Variants in VAV3 observed in about 807,000 individuals in gnomAD.
VAV3 encodes the protein guanine nucleotide exchange factor VAV3.
VAV3 carries 94 observed loss-of-function variants against 131.2 expected under a neutral mutation model. That is an observed-to-expected ratio of 0.72 (90% confidence interval 0.61 to 0.85). The LOEUF is 0.85. VAV3 is among the 40% of genes least tolerant of loss of function. The probability of loss-of-function intolerance (pLI) is 0.00; values close to 1 mark genes in which losing one functional copy is unlikely to be tolerated. For synonymous variants in VAV3, 349 were observed against 342.0 expected (o/e 1.02, Z -0.22); for missense variants, 939 against 1,002.7 (o/e 0.94, Z 0.86).
intron 1 of VAV3, among the ~76,000 whole-genome samples, chr1:107,951,201 T>C (rs1476667724): frequency 6.6e-6 from 1 of 152,220 alleles, no homozygotes; most frequent in Non-Finnish European, 1.5e-5. Context: ...TCTACTCAGT[T>C]TTATTTCTCA....
intron 19 of VAV3, among the ~76,000 whole-genome samples, chr1:107,673,028 T>A (rs751752143): frequency 7.9e-5 from 12 of 152,190 alleles, no homozygotes; most frequent in African/African-American, 1.4e-4. Context: ...ATATTGTACC[T>A]CTATGACGCC....
chr1:107,656,573 T>C lies in VAV3; in HGVS notation c.1778-13818A>G, dbSNP rs72975642. Among the ~76,000 whole-genome samples the C allele has an allele frequency of 3.4e-3, 522 of 152,240 alleles. 5 individuals are homozygous for C. Among genetic ancestry groups the C allele is most frequent in the African/African-American group, 0.012 (493 of 41,552 alleles). ...GGTGACTACAGTTAACATTAATCCA[T>C]TGCATATTTCAAAATAGCCAGGAAA... On this transcript the variant is annotated intron_variant, in intron 19 of 26. Transcript: ENST00000370056.
intron 19 of VAV3, among the ~76,000 whole-genome samples, chr1:107,670,228 G>T (rs1657686452): frequency 6.6e-6 from 1 of 152,096 alleles, no homozygotes; most frequent in African/African-American, 2.4e-5. Context: ...CTGGCTCTTT[G>T]CCAGCTATTT....
intron 20 of VAV3, among the ~76,000 whole-genome samples, chr1:107,642,120 C>A (rs1481499012): frequency 1.3e-5 from 2 of 152,024 alleles, no homozygotes; most frequent in Admixed American, 1.3e-4. Context: ...GGGAGCTGGG[C>A]AAAATGAGGC....
intron 2 of VAV3, among the ~76,000 whole-genome samples, chr1:107,808,003 T>C (rs1002127374): frequency 6.6e-6 from 1 of 152,152 alleles, no homozygotes; most frequent in Non-Finnish European, 1.5e-5. Context: ...AACATAATAA[T>C]TGCGGCTATT....
At chr1:107,791,963 C>A (rs1323421653) in intron 2 of VAV3, among the ~76,000 whole-genome samples, 2 of 152,168 alleles carry the variant, frequency 1.3e-5, no homozygotes, top group Non-Finnish European at 2.9e-5. Flanking sequence ...ACATTTGAAC[C>A]CAGCTTTCAA....
chr1:107,844,801 A>G (rs182127992), intron 2 of VAV3, among the ~76,000 whole-genome samples: 49 of 152,304 alleles, frequency 3.2e-4, no homozygotes, highest in African/African-American at 1.1e-3. Context: ...GGCAGCCCCC[A>G]AAGTCAGGGG....
chr1:107,747,562 T>G (rs1201545377), intron 15 of VAV3, among the ~76,000 whole-genome samples: 5 of 152,188 alleles, frequency 3.3e-5, no homozygotes, highest in Admixed American at 6.5e-5. Context: ...GCAATTATTA[T>G]TAATAATAAT....
intron 20 of VAV3, among the ~76,000 whole-genome samples, chr1:107,625,206 T>C (rs753904525): frequency 1.3e-5 from 2 of 152,120 alleles, no homozygotes; most frequent in African/African-American, 2.4e-5. Context: ...CAAAAAACAT[T>C]TGATCCACAA....
At chr1:107,824,467 G>A (rs1571003975) in intron 2 of VAV3, among the ~76,000 whole-genome samples, 1 of 152,162 alleles carries the variant, frequency 6.6e-6, no homozygotes, top group East Asian at 1.9e-4. Context: ...CAGAACCAAT[G>A]TACAAGGTAT....
chr1:107,792,615 G>A (rs1196099704), intron 2 of VAV3, among the ~76,000 whole-genome samples: 1 of 152,148 alleles, frequency 6.6e-6, no homozygotes, highest in Admixed American at 6.5e-5. Flanking sequence ...TGTAGCATTT[G>A]GGTACAAATT....
chr1:107,717,321 T>G (rs1661167749), intron 15 of VAV3, among the ~76,000 whole-genome samples: 1 of 152,244 alleles, frequency 6.6e-6, no homozygotes, highest in South Asian at 2.1e-4. Flanking sequence ...TTCTTTTAAC[T>G]GTGATGTTAG....
intron 3 of VAV3, chr1:107,777,885 T>C (rs1570939530): frequency 2.6e-5 from 4 of 152,468 alleles, no homozygotes; most frequent in Admixed American, 2.6e-4. Flanking sequence ...ATTAGACAAA[T>C]GAGTCAACCA....
chr1:107,714,908 A>G (rs936711529), intron 15 of VAV3, among the ~76,000 whole-genome samples: 1 of 152,138 alleles, frequency 6.6e-6, no homozygotes, highest in Non-Finnish European at 1.5e-5. Context: ...TATTTTATTC[A>G]AGATGGGCTT....
At chr1:107,795,251 C>T (rs1380790361) in intron 2 of VAV3, among the ~76,000 whole-genome samples, 4 of 152,184 alleles carry the variant, frequency 2.6e-5, no homozygotes, top group South Asian at 2.1e-4. Flanking sequence ...TTTAAATGGA[C>T]GAAGTTACCA....
chr1:107,884,121 C>T (rs345295), intron 1 of VAV3, among the ~76,000 whole-genome samples: 110,625 of 150,336 alleles, frequency 0.74, 40,956 homozygotes, highest in African/African-American at 0.81. Context: ...CAAAGCAACC[C>T]AGAGATGGGG....
At chr1:107,630,343 A>T (rs1056763250) in intron 20 of VAV3, among the ~76,000 whole-genome samples, 1 of 148,158 alleles carries the variant, frequency 6.7e-6, no homozygotes. Flanking sequence ...GGAAGAATGG[A>T]TGGGAGGATG....
intron 1 of VAV3, among the ~76,000 whole-genome samples, chr1:107,900,808 T>C (rs564706092): frequency 3.0e-4 from 45 of 152,314 alleles, no homozygotes; most frequent in African/African-American, 9.6e-4. Context: ...AACAGACATA[T>C]CTTATACAAA....
At chr1:107,677,909 C>T (rs1658323195) in intron 19 of VAV3, 1 of 152,134 alleles carries the variant, frequency 6.6e-6, no homozygotes, top group South Asian at 2.1e-4. Context: ...AGTAGTGATC[C>T]TTTGTGAACT....
Sources: gnomAD v4.1 joint callset for allele counts (sites outside exome capture counted in the v4.1 genomes callset) on GRCh38, gnomAD v4.1.1 for gene constraint, MANE v1.5 for transcripts, NCBI Gene and HGNC (gene_info 2026-07-23, HGNC 2026-07-21) for gene names.